Variants in GLB1 observed in about 807,000 individuals in gnomAD.
The protein encoded by GLB1 is galactosidase beta 1.
Under a neutral mutation model 74.0 loss-of-function variants are expected in GLB1, and 56 were observed. The ratio of observed to expected loss-of-function variants is 0.76; its 90% CI spans 0.61 to 0.94. GLB1 has a LOEUF of 0.94. Ranked by LOEUF, GLB1 falls within the 40% of genes least tolerant of loss-of-function variation. The probability of loss-of-function intolerance (pLI) is 0.00; values close to 1 mark genes in which losing one functional copy is unlikely to be tolerated. For synonymous variants in GLB1, 323 were observed against 323.6 expected (o/e 1.00, Z 0.02); for missense variants, 787 against 845.5 (o/e 0.93, Z 0.86).
In GLB1 at chr3:32,997,175, G is replaced by A. The variant is rs762702287; in HGVS notation, c.1904C>T (p.Ala635Val). The A allele has an allele frequency of 7.4e-6, 12 of 1,614,038 alleles. No homozygotes were observed. The highest frequency in any genetic ancestry group is 1.0e-5 in the Non-Finnish European group (12 of 1,180,034). Reference protein sequence around the residue: ...PCSSDDPELCAVTFVDRPVIG... With the variant: ...PCSSDDPELCVVTFVDRPVIG... ...AACTGGCCTGTCCACGAACGTCACA[G>A]CACATAGTTCTGGATCATCACTGCT... is the stretch of plus-strand genomic sequence containing the variant. The change falls in exon 16 of 16, where the codon GCT becomes GTT. Residue 635 changes from alanine (A) to valine (V), a missense_variant. Physicochemically the swap from Ala to Val is moderately conservative, Grantham distance 64. Coordinates refer to ENST00000307363, the MANE Select transcript of GLB1 (RefSeq NM_000404.4).
chr3:32,969,627 G>T, the GLB1 span, among the ~76,000 whole-genome samples: 4 of 152,158 alleles, frequency 2.6e-5, no homozygotes, highest in Non-Finnish European at 5.9e-5. Flanking sequence ...CACTCCAAAT[G>T]AAAAGGCTTG....
chr3:33,082,800 C>T (rs966299541), intron 1 of GLB1, among the ~76,000 whole-genome samples: 1 of 152,190 alleles, frequency 6.6e-6, no homozygotes, highest in Non-Finnish European at 1.5e-5. Context: ...TCTGTGCATT[C>T]ATGGACTGTC....
chr3:32,973,105 G>C, the GLB1 span, among the ~76,000 whole-genome samples: 1 of 152,178 alleles, frequency 6.6e-6, no homozygotes, highest in Non-Finnish European at 1.5e-5. Flanking sequence ...TGCTTAAAAG[G>C]TAACTTAACT....
At chr3:33,034,663 C>A in intron 10 of GLB1, 1 of 731,952 alleles carries the variant, frequency 1.4e-6, no homozygotes, top group Non-Finnish European at 2.6e-6. Flanking sequence ...CCATCACAGC[C>A]AACATATTGG....
At chr3:33,078,417 G>A (rs1194850779) in intron 1 of GLB1, among the ~76,000 whole-genome samples, 3 of 152,160 alleles carry the variant, frequency 2.0e-5, no homozygotes, top group African/African-American at 7.2e-5. Flanking sequence ...CTCAATTTCA[G>A]CCTCAAAAAA....
At chr3:33,076,788 C>G (rs932209501) in intron 1 of GLB1, among the ~76,000 whole-genome samples, 3 of 152,190 alleles carry the variant, frequency 2.0e-5, no homozygotes, top group African/African-American at 7.2e-5. Context: ...TTGGAGACTG[C>G]TAGAGTACCA....
downstream of GLB1, among the ~76,000 whole-genome samples, chr3:32,993,313 G>T (rs910053258): frequency 1.3e-5 from 2 of 152,086 alleles, no homozygotes; most frequent in Non-Finnish European, 2.9e-5. Context: ...GTGGAGAAGG[G>T]AAGAGAGAGG....
At chr3:32,970,999 C>A in the GLB1 span, among the ~76,000 whole-genome samples, 1 of 152,166 alleles carries the variant, frequency 6.6e-6, no homozygotes, top group Admixed American at 6.5e-5. Context: ...CCATAAAAAA[C>A]CAGAAGCAAT....
chr3:33,080,266 G>T (rs1033002336), intron 1 of GLB1, among the ~76,000 whole-genome samples: 1 of 152,148 alleles, frequency 6.6e-6, no homozygotes, highest in East Asian at 1.9e-4. Context: ...TTTTAGTAGA[G>T]ACGGGGTTTC....
chr3:32,978,765 CT>C, the GLB1 span, among the ~76,000 whole-genome samples: 58 of 126,040 alleles, frequency 4.6e-4, no homozygotes, highest in Admixed American at 7.9e-4. Context: ...TTCTTTCTTT[CT>C]TTTTTTTTTT....
rs886042079 is a variant in GLB1 at position 33,068,831 on chromosome 3, C to G, written c.385G>C (p.Glu129Gln). 1.2e-6 allele frequency: 2 copies of G among 1,614,096 alleles called. No individual in the cohort carries two copies. Among genetic ancestry groups the G allele is most frequent in the South Asian group, 2.2e-5 (2 of 91,076 alleles). The change falls in exon 3 of 16, where the codon GAG (glutamate) becomes CAG (glutamine). Residue 129 changes from glutamate to glutamine, a missense_variant. Physicochemically the swap from Glu to Gln is conservative, Grantham distance 29. Transcript: ENST00000307363. ...CTAGCCACACTCACCATTTCCCACT[C>G]TGCACAGATGTAGGGCCCGGGCCTC... The part of the protein sequence containing the change: ...ILRPGPYICA[E>Q]WEMGGLPAWL...
downstream of GLB1, among the ~76,000 whole-genome samples, chr3:32,994,435 A>C (rs905755845): frequency 1.1e-4 from 17 of 152,190 alleles, no homozygotes; most frequent in Non-Finnish European, 2.5e-4. Flanking sequence ...ATCCATAGAG[A>C]GAGTTGCATT....
rs758756463 is a variant in GLB1 at position 33,093,055 on chromosome 3, G to A, written c.75+3956C>T. 3 of 1,614,190 alleles carry A rather than the reference G, an allele frequency of 1.9e-6. No individual in the cohort carries two copies. The highest frequency in any genetic ancestry group is 2.2e-5 in the East Asian group (1 of 44,882). On this transcript the variant is annotated intron_variant, in intron 1 of 15. Coordinates refer to ENST00000307363, the MANE Select transcript of GLB1 (RefSeq NM_000404.4). This position sits in a 1 kb window ranked among gnomAD's most constrained non-coding sequence, Gnocchi z 6.0. Reference sequence around the variant, plus strand: ...GAAAGGATCAGGTTAATATCTGGCCGAGCCTGGAGAGCTCTCTTGGCAGCC... The same window carrying A: ...GAAAGGATCAGGTTAATATCTGGCCAAGCCTGGAGAGCTCTCTTGGCAGCC...
chr3:32,963,969 T>C, the GLB1 span, among the ~76,000 whole-genome samples: 1 of 152,158 alleles, frequency 6.6e-6, no homozygotes, highest in African/African-American at 2.4e-5. Context: ...GACTTGAGCA[T>C]GCGGATGTCA....
chr3:33,092,727 C>G lies in GLB1; in HGVS notation c.75+4284G>C, dbSNP rs988783630. On this transcript the variant is annotated intron_variant, in intron 1 of 15. Coordinates refer to ENST00000307363, the MANE Select transcript of GLB1 (RefSeq NM_000404.4). Reference sequence around the variant, plus strand: ...AGGCTTGTGACCAAGGGTGTGTAGGCAAGGATGAGTGGGCAAGGCTGGAGG... The same window carrying G: ...AGGCTTGTGACCAAGGGTGTGTAGGGAAGGATGAGTGGGCAAGGCTGGAGG... The G allele has an allele frequency of 1.3e-5, 19 of 1,490,968 alleles. No homozygotes were observed. In the African/African-American group the frequency reaches 2.1e-4, roughly 16 times the overall value. The allele number at this position is 1,490,968 out of a possible 1,614,324, so 92.4% of individuals were successfully genotyped here.
intron 9 of GLB1, among the ~76,000 whole-genome samples, chr3:33,050,126 G>A (rs1698915448): frequency 6.6e-6 from 1 of 152,054 alleles, no homozygotes; most frequent in Admixed American, 6.6e-5. Context: ...ATCTGTCTTT[G>A]CAAAAAAACA....
downstream of GLB1, among the ~76,000 whole-genome samples, chr3:32,991,882 T>C (rs1053552669): frequency 2.6e-5 from 4 of 152,224 alleles, no homozygotes; most frequent in African/African-American, 9.6e-5. Context: ...TCCTGATCCA[T>C]AGAATCGTGT....
At chr3:32,987,759 C>T in the GLB1 span, among the ~76,000 whole-genome samples, 2 of 151,840 alleles carry the variant, frequency 1.3e-5, no homozygotes, top group Non-Finnish European at 2.9e-5. Flanking sequence ...TTCTCAATGC[C>T]CAGCATGTAT....
At chr3:33,045,212 C>A in intron 10 of GLB1, 1 of 459,326 alleles carries the variant, frequency 2.2e-6, no homozygotes, top group Non-Finnish European at 2.9e-6. Context: ...TACAAATTAA[C>A]AATCAGTAGA....
Sources: gnomAD v4.1 joint callset for allele counts (sites outside exome capture counted in the v4.1 genomes callset) on GRCh38, gnomAD v4.1.1 for gene constraint, Gnocchi (gnomAD v3.1) non-coding constraint, MANE v1.5 for transcripts, NCBI Gene and HGNC (gene_info 2026-07-23, HGNC 2026-07-21) for gene names.